Variants in EPB41L4B observed in about 807,000 individuals in gnomAD.
EPB41L4B encodes band 4.1-like protein 4B.
In EPB41L4B, 30 loss-of-function variants were observed where a neutral mutation model predicts 112.5. That is an observed-to-expected ratio of 0.27 (90% CI 0.20 to 0.36). The LOEUF (loss-of-function observed/expected upper bound fraction) is 0.36. Among genes scored for constraint, EPB41L4B ranks in the 10% least tolerant of loss-of-function variants. The pLI, the probability that EPB41L4B is intolerant of heterozygous loss-of-function variation, is 1.00. For synonymous variants in EPB41L4B, 408 were observed against 439.7 expected (o/e 0.93, Z 0.90); for missense variants, 1,024 against 1,133.3 (o/e 0.90, Z 1.38).
chr9:109,195,487 T>C (rs1319144325), intron 20 of EPB41L4B, among the ~76,000 whole-genome samples: 5 of 152,150 alleles, frequency 3.3e-5, no homozygotes, highest in African/African-American at 1.2e-4. Flanking sequence ...AATAAGTACA[T>C]GGAAAAATTA....
At chr9:109,288,219 A>G (rs1046464989) in intron 1 of EPB41L4B, among the ~76,000 whole-genome samples, 1 of 152,228 alleles carries the variant, frequency 6.6e-6, no homozygotes. Context: ...GGTGCCATCC[A>G]CAAGTACCTC....
At chr9:109,261,538 G>A (rs1835203087) in intron 6 of EPB41L4B, among the ~76,000 whole-genome samples, 2 of 152,124 alleles carry the variant, frequency 1.3e-5, no homozygotes, top group Admixed American at 6.5e-5. Flanking sequence ...GAAGTTTCAG[G>A]TAATGGGAGC....
chr9:109,254,324 G>A (rs1035356772), intron 11 of EPB41L4B, among the ~76,000 whole-genome samples: 4 of 152,192 alleles, frequency 2.6e-5, no homozygotes, highest in African/African-American at 7.2e-5. Context: ...GGTAACCTCT[G>A]CATCCTCCAC....
intron 15 of EPB41L4B, among the ~76,000 whole-genome samples, chr9:109,222,869 GC>G (rs928503462): frequency 1.3e-5 from 2 of 152,178 alleles, no homozygotes; most frequent in Non-Finnish European, 2.9e-5. Flanking sequence ...GGAGTAATGT[GC>G]CCTGTTAGTA....
At chr9:109,190,021 C>T (rs533307180) in intron 22 of EPB41L4B, among the ~76,000 whole-genome samples, 4 of 152,240 alleles carry the variant, frequency 2.6e-5, no homozygotes, top group South Asian at 2.1e-4. Flanking sequence ...CTGCAACCTC[C>T]GCCTCCTGGG....
At chr9:109,263,137 G>A in intron 5 of EPB41L4B, 35 bp from the exon 6 acceptor site, 1 of 1,356,758 alleles carries the variant, frequency 7.4e-7, no homozygotes, top group Non-Finnish European at 1.0e-6. Context: ...ATTCGAAATA[G>A]GAACTTAAGT....
At chr9:109,294,469 C>T (rs573340938) in intron 1 of EPB41L4B, among the ~76,000 whole-genome samples, 15 of 151,826 alleles carry the variant, frequency 9.9e-5, no homozygotes, top group Admixed American at 2.6e-4. Context: ...AAGAATTTAG[C>T]CAAGAGCAGT....
rs777835456 is a variant in EPB41L4B, at chr9:109,213,690, C to A, written c.1752+10G>T. Reference sequence around the variant, plus strand: ...GTCCATGGTCATGGCAGAGCCCCGGCCCTTGGCACCTTGTTTATGTTGATG... The same window carrying A: ...GTCCATGGTCATGGCAGAGCCCCGGACCTTGGCACCTTGTTTATGTTGATG... On this transcript the variant is annotated intron_variant, in intron 17 of 25. Coordinates refer to ENST00000374566, the MANE Select transcript of EPB41L4B (RefSeq NM_019114.5). 6.2e-7 allele frequency: 1 copy of A among 1,610,674 alleles called. No individual in the cohort carries two copies.
At chr9:109,251,952 G>A (rs1185758844) in intron 12 of EPB41L4B, among the ~76,000 whole-genome samples, 5 of 152,224 alleles carry the variant, frequency 3.3e-5, no homozygotes, top group Admixed American at 2.0e-4. Context: ...CAGCTTAGCC[G>A]CTTACACTCC....
At chr9:109,223,429 T>C (rs1286490202) in intron 15 of EPB41L4B, among the ~76,000 whole-genome samples, 2 of 127,562 alleles carry the variant, frequency 1.6e-5, no homozygotes. Context: ...AGCAAGACCC[T>C]GTCTCAAAAA....
At chr9:109,244,473 T>G (rs1588165979) in intron 14 of EPB41L4B, among the ~76,000 whole-genome samples, 1 of 124,452 alleles carries the variant, frequency 8.0e-6, no homozygotes, top group African/African-American at 3.2e-5. Context: ...TTTTACAGAG[T>G]CTCACTCTGT....
chr9:109,263,119 T>A lies in EPB41L4B; in HGVS notation c.579-17A>T. ...CATTTCAATCTTGAAAAAAATAAAATGAAATTAATTCGAAATAGGAACTTA... is the reference window on the plus strand; with the variant it reads ...CATTTCAATCTTGAAAAAAATAAAAAGAAATTAATTCGAAATAGGAACTTA... On this transcript the variant is annotated splice_polypyrimidine_tract_variant and intron_variant, in intron 5 of 25. Transcript: ENST00000374566. 1 of 1,547,754 alleles carries A rather than the reference T, an allele frequency of 6.5e-7. No homozygotes were observed. The highest frequency in any genetic ancestry group is 8.8e-7 in the Non-Finnish European group (1 of 1,131,366).
chr9:109,194,741 T>C (rs1157345373), intron 20 of EPB41L4B, among the ~76,000 whole-genome samples: 2 of 152,226 alleles, frequency 1.3e-5, no homozygotes. Context: ...TCCCCAAAAC[T>C]TTTTCATCAG....
At chr9:109,283,546 G>A (rs1201070276) in intron 1 of EPB41L4B, among the ~76,000 whole-genome samples, 1 of 152,028 alleles carries the variant, frequency 6.6e-6, no homozygotes, top group Non-Finnish European at 1.5e-5. Context: ...CAACACTCCA[G>A]AATACTGTTC....
intron 2 of EPB41L4B, among the ~76,000 whole-genome samples, chr9:109,277,397 C>T (rs188423276): frequency 3.6e-4 from 54 of 151,782 alleles, no homozygotes; most frequent in African/African-American, 1.0e-3. Flanking sequence ...TGAACGACCT[C>T]GGTCTTCTCA....
At chr9:109,245,488 G>A (rs1219090739) in intron 14 of EPB41L4B, among the ~76,000 whole-genome samples, 1 of 152,162 alleles carries the variant, frequency 6.6e-6, no homozygotes, top group East Asian at 1.9e-4. Flanking sequence ...CATATCCCTT[G>A]GAGGACAATG....
At chr9:109,218,704 C>T (rs1191655999) in intron 15 of EPB41L4B, among the ~76,000 whole-genome samples, 1 of 152,132 alleles carries the variant, frequency 6.6e-6, no homozygotes, top group East Asian at 1.9e-4. Flanking sequence ...TAACTCCTTC[C>T]CATCCCGATG....
At chr9:109,226,814 C>CAT (rs942848556) in intron 15 of EPB41L4B, among the ~76,000 whole-genome samples, 7 of 144,438 alleles carry the variant, frequency 4.8e-5, no homozygotes, top group Admixed American at 1.4e-4. Flanking sequence ...ATATGAAGAA[C>CAT]ATATATATAT....
Position 109,258,300 on chromosome 9 carries a change from G to C in EPB41L4B, c.632-3C>G. ...AAGCTCGCACTCCCCAAGCTCCGCT[G>C]TAAGTTTCATAAAAGGGAGGAAAAT... On this transcript the variant is annotated splice_region_variant and splice_polypyrimidine_tract_variant and intron_variant, in intron 6 of 25. Coordinates refer to ENST00000374566, the MANE Select transcript of EPB41L4B (RefSeq NM_019114.5). The C allele has an allele frequency of 6.2e-7, 1 of 1,610,566 alleles. No individual in the cohort carries two copies. The highest frequency in any genetic ancestry group is 8.5e-7 in the Non-Finnish European group (1 of 1,177,606).
Sources: gnomAD v4.1 joint callset for allele counts (sites outside exome capture counted in the v4.1 genomes callset) on GRCh38, gnomAD v4.1.1 for gene constraint, MANE v1.5 for transcripts, NCBI Gene and HGNC (gene_info 2026-07-23, HGNC 2026-07-21) for gene names.